The following CYB5R4 variants were observed in gnomAD, a reference collection of about 807,000 sequenced individuals.
The protein encoded by CYB5R4 is N-terminal cytochrome b5 and cytochrome b5 oxidoreductase domain-containing protein.
In CYB5R4, 55 loss-of-function variants were observed where a neutral mutation model predicts 70.2. The ratio of observed to expected loss-of-function variants is 0.78; its 90% CI spans 0.63 to 0.98. The LOEUF (loss-of-function observed/expected upper bound fraction) is 0.98, where lower values mean the gene tolerates loss of function less well. Among genes scored for constraint, CYB5R4 ranks in the 50% least tolerant of loss-of-function variants. The pLI, the probability that CYB5R4 is intolerant of heterozygous loss-of-function variation, is 0.00. For synonymous variants in CYB5R4, 197 were observed against 199.5 expected (o/e 0.99, Z 0.11); for missense variants, 562 against 612.6 (o/e 0.92, Z 0.87).
Position 83,916,041 on chromosome 6 carries a change from T to G in CYB5R4, c.445+1593T>G, listed in dbSNP as rs61763813. Among the ~76,000 whole-genome samples the G allele has an allele frequency of 6.9e-3, 1,027 of 147,824 alleles. 8 individuals are homozygous for G. Among genetic ancestry groups the G allele is most frequent in the Non-Finnish European group, 0.012 (783 of 67,750 alleles). ...AATAATATTATGTAAAGTTTGAGGGTTTTTTTTGTTTTTAGTTAGTTTTAA... is the reference window on the plus strand; with the variant it reads ...AATAATATTATGTAAAGTTTGAGGGGTTTTTTTGTTTTTAGTTAGTTTTAA... On this transcript the variant is annotated intron_variant, in intron 5 of 15. Transcript: ENST00000369681.
intron 2 of CYB5R4, among the ~76,000 whole-genome samples, chr6:83,873,235 CTTTTTTTTTTTT>C (rs927399068): frequency 1.3e-4 from 13 of 99,810 alleles, no homozygotes; most frequent in African/African-American, 3.0e-4. Context: ...GGGTATCCTT[CTTTTTTTTTTTT>C]TTTTTTTTTT....
chr6:83,925,897 T>G (rs913630033), intron 10 of CYB5R4, among the ~76,000 whole-genome samples: 1 of 152,210 alleles, frequency 6.6e-6, no homozygotes. Context: ...AGCTCTTCTA[T>G]TGAGTTACTC....
At chr6:83,945,542 G>C (rs2099470446) in intron 14 of CYB5R4, among the ~76,000 whole-genome samples, 1 of 152,042 alleles carries the variant, frequency 6.6e-6, no homozygotes, top group Non-Finnish European at 1.5e-5. Context: ...AAATTCAAAA[G>C]CTAGCAGAAG....
chr6:83,862,870 C>T (rs1562824408), intron 1 of CYB5R4, among the ~76,000 whole-genome samples: 1 of 152,118 alleles, frequency 6.6e-6, no homozygotes, highest in Non-Finnish European at 1.5e-5. Flanking sequence ...CAGTGATAGC[C>T]AGAATGGAAT....
intron 3 of CYB5R4, among the ~76,000 whole-genome samples, chr6:83,908,516 T>C (rs937253432): frequency 1.3e-5 from 2 of 152,200 alleles, no homozygotes; most frequent in Admixed American, 1.3e-4. Flanking sequence ...GGTCAAAATT[T>C]AATTAATAAT....
intron 2 of CYB5R4, among the ~76,000 whole-genome samples, chr6:83,868,316 T>A (rs777328374): frequency 3.3e-5 from 5 of 152,236 alleles, no homozygotes; most frequent in Non-Finnish European, 7.3e-5. Flanking sequence ...CAATTTGGTA[T>A]GGGTTTTTAT....
Position 83,965,191 on chromosome 6 carries a change from A to G in CYB5R4, c.*5313A>G, listed in dbSNP as rs938920935. 1.3e-5 allele frequency: 2 copies of G among 152,270 alleles called. No individual in the cohort carries two copies. Among genetic ancestry groups the G allele is most frequent in the African/African-American group, 2.4e-5 (1 of 41,456 alleles). The allele number at this position is 152,270 out of a possible 1,614,324, so 9.4% of individuals were successfully genotyped here. The stretch of plus-strand genomic sequence containing the variant: ...AGAGGACCACTGTCCTCCAGACCCC[A>G]GAATGGTAGATCGACTTACAGCTTG... On this transcript the variant is annotated 3_prime_UTR_variant, in exon 16 of 16. Transcript: ENST00000369681.
At chr6:83,940,367 G>C in intron 13 of CYB5R4, 148 bp from the exon 14 acceptor site, 1 of 1,031,860 alleles carries the variant, frequency 9.7e-7, no homozygotes, top group South Asian at 1.8e-5. Context: ...TTATTAACTA[G>C]GTTCTTTTAT....
chr6:83,936,235 G>A lies in CYB5R4; in HGVS notation c.967G>A (p.Val323Ile). 6.5e-7 allele frequency: 1 copy of A among 1,545,288 alleles called. No individual in the cohort carries two copies. The highest frequency in any genetic ancestry group is 2.3e-5 in the Admixed American group (1 of 43,046). The change falls in exon 12 of 16, where the codon GTA becomes ATA. Residue 323 changes from valine to isoleucine, a missense_variant. Transcript: ENST00000369681. ...ATTTTTTTTTCTAGGTACAGAAATA[G>A]TAAAGCCATATACACCTGTATCTGG... is the stretch of plus-strand genomic sequence containing the variant. ...LKLPITGTEIVKPYTPVSGSL... is the reference protein window; with the variant it reads ...LKLPITGTEIIKPYTPVSGSL...
intron 14 of CYB5R4, among the ~76,000 whole-genome samples, chr6:83,942,812 G>A (rs1050050572): frequency 6.6e-6 from 1 of 152,084 alleles, no homozygotes; most frequent in Non-Finnish European, 1.5e-5. Context: ...GCTTGAGTAG[G>A]TGGTTTTCCA....
At chr6:83,902,367 C>A (rs1260949846) in intron 3 of CYB5R4, among the ~76,000 whole-genome samples, 1 of 152,042 alleles carries the variant, frequency 6.6e-6, no homozygotes, top group Non-Finnish European at 1.5e-5. Context: ...CTGCTCTGTT[C>A]TGTTGGTTTA....
At chr6:83,920,339 A>G (rs2099466179) in intron 7 of CYB5R4, among the ~76,000 whole-genome samples, 1 of 152,110 alleles carries the variant, frequency 6.6e-6, no homozygotes, top group Non-Finnish European at 1.5e-5. Context: ...AGGAGTGACC[A>G]GCCTCTGCTT....
chr6:83,921,293 C>T, intron 8 of CYB5R4, 118 bp downstream of exon 8: 1 of 910,086 alleles, frequency 1.1e-6, no homozygotes, highest in South Asian at 2.0e-5. Context: ...TTTGGTTTGT[C>T]ATTTTTGATC....
At position 83,964,070 on chromosome 6, in the gene CYB5R4, T is replaced by C. The variant is rs1002641105; in HGVS notation, c.*4192T>C. ...GTAAGTCCAATTAAACCCCTTTTTT[T>C]CCCCAGTCTCAGGTACGTCTTTTAT... On this transcript the variant is annotated 3_prime_UTR_variant, in exon 16 of 16. Transcript: ENST00000369681. The C allele has an allele frequency of 2.7e-5, 5 of 186,662 alleles. No individual in the cohort carries two copies. The highest frequency in any genetic ancestry group is 7.1e-5 in the African/African-American group (3 of 42,006). The allele number at this position is 186,662 out of a possible 1,614,324, so 11.6% of individuals were successfully genotyped here.
At chr6:83,916,614 C>A (rs1173130647) in intron 5 of CYB5R4, among the ~76,000 whole-genome samples, 2 of 152,166 alleles carry the variant, frequency 1.3e-5, no homozygotes, top group East Asian at 3.8e-4. Flanking sequence ...GTTGTCACAT[C>A]TCTGAGGCTT....
At chr6:83,926,223 G>T (rs1199524920) in intron 10 of CYB5R4, 1 of 152,010 alleles carries the variant, frequency 6.6e-6, no homozygotes, top group Non-Finnish European at 1.5e-5. Context: ...ACATTTCTTT[G>T]GGAAAAGTCC....
intron 2 of CYB5R4, among the ~76,000 whole-genome samples, chr6:83,869,022 A>G (rs1426250944): frequency 2.0e-5 from 3 of 152,196 alleles, no homozygotes; most frequent in Admixed American, 6.5e-5. Context: ...GGTTCTCCAA[A>G]TGGTATTTTA....
At chr6:83,954,174 G>T (rs1355355904) in intron 14 of CYB5R4, among the ~76,000 whole-genome samples, 1 of 152,006 alleles carries the variant, frequency 6.6e-6, no homozygotes, top group Non-Finnish European at 1.5e-5. Context: ...GTATTCCACA[G>T]GAATTGTCTA....
chr6:83,893,623 G>T lies in CYB5R4; in HGVS notation c.330+1G>T. 6.3e-7 allele frequency: 1 copy of T among 1,584,244 alleles called. No individual in the cohort carries two copies. Among genetic ancestry groups the T allele is most frequent in the Non-Finnish European group, 8.6e-7 (1 of 1,156,396 alleles). ...AGATGGTACTGAACTTTTTGATCAGGTAAGATGTGCTGAAAGTAACCAAAG... is the reference window on the plus strand; with the variant it reads ...AGATGGTACTGAACTTTTTGATCAGTTAAGATGTGCTGAAAGTAACCAAAG... On this transcript the variant is annotated splice_donor_variant, in intron 3 of 15. Coordinates refer to ENST00000369681, the MANE Select transcript of CYB5R4 (RefSeq NM_016230.4). LOFTEE classifies it high-confidence loss of function.
Sources: allele counts gnomAD v4.1 joint callset (sites outside exome capture counted in the v4.1 genomes callset), GRCh38; gene constraint gnomAD v4.1.1; transcripts MANE v1.5; gene names NCBI Gene and HGNC (gene_info 2026-07-23, HGNC 2026-07-21).